CCL28: variants seen among roughly 807,000 people sequenced by gnomAD.
The protein encoded by CCL28 is C-C motif chemokine ligand 28, also known as C-C motif chemokine 28.
Under a neutral mutation model 7.1 loss-of-function variants are expected in CCL28, and 4 were observed. The observed-to-expected ratio is 0.56, with a 90% CI of 0.28 to 1.29. The LOEUF is 1.29. Among genes scored for constraint, CCL28 ranks in the 50% most tolerant of loss-of-function variants. The probability of loss-of-function intolerance (pLI) is 0.11; values close to 1 mark genes in which losing one functional copy is unlikely to be tolerated. For synonymous variants in CCL28, 55 were observed against 57.8 expected (o/e 0.95, Z 0.22); for missense variants, 151 against 163.4 (o/e 0.92, Z 0.41).
At chr5:43,387,065 A>C (rs1340060001) in intron 2 of CCL28, among the ~76,000 whole-genome samples, 1 of 152,236 alleles carries the variant, frequency 6.6e-6, no homozygotes, top group Non-Finnish European at 1.5e-5. Flanking sequence ...AGCCCAAAGA[A>C]AGGAGCACCA....
chr5:43,358,387 A>G, the CCL28 span, among the ~76,000 whole-genome samples: 1 of 152,358 alleles, frequency 6.6e-6, no homozygotes, highest in Non-Finnish European at 1.5e-5. Flanking sequence ...TGGTCATTTC[A>G]AAATTGCTTT....
chr5:43,360,746 C>T, the CCL28 span, among the ~76,000 whole-genome samples: 1 of 152,120 alleles, frequency 6.6e-6, no homozygotes, highest in Admixed American at 6.5e-5. Flanking sequence ...AGTGTCTGTT[C>T]ACATCCTTTG....
At chr5:43,360,924 A>G in the CCL28 span, among the ~76,000 whole-genome samples, 1 of 152,104 alleles carries the variant, frequency 6.6e-6, no homozygotes, top group African/African-American at 2.4e-5. Flanking sequence ...AGATCATCCC[A>G]TCACCTAGGT....
the CCL28 span, among the ~76,000 whole-genome samples, chr5:43,358,866 G>A: frequency 6.6e-6 from 1 of 152,192 alleles, no homozygotes; most frequent in Non-Finnish European, 1.5e-5. Flanking sequence ...CAGCAAGAGA[G>A]GTCTAGCATG....
rs1032588181 is a variant in CCL28 at position 43,384,694 on chromosome 5, G to T, written c.192-2642C>A. ...GATAGCTGGAGATAGTCTGATGGAC[G>T]TAAAGGGGTGGCCCTGCCATAGAGA... On this transcript the variant is annotated intron_variant, in intron 2 of 2. Coordinates refer to ENST00000361115, the MANE Select transcript of CCL28 (RefSeq NM_148672.3). Among the ~76,000 whole-genome samples the T allele has an allele frequency of 1.3e-5, 2 of 151,726 alleles. 1 individual carries two copies.
rs150136154 is a variant in CCL28 at position 43,382,146 on chromosome 5, G to A, written c.192-94C>T. Reference sequence around the variant, plus strand: ...CATGCAGCTCCCACTTTGGGACACTGTATTCCTAGAGACTAAATTCAGACT... The same window carrying A: ...CATGCAGCTCCCACTTTGGGACACTATATTCCTAGAGACTAAATTCAGACT... On this transcript the variant is annotated intron_variant, in intron 2 of 2. Coordinates refer to ENST00000361115, the MANE Select transcript of CCL28 (RefSeq NM_148672.3). 6 of 1,090,636 alleles carry A rather than the reference G, an allele frequency of 5.5e-6. No individual in the cohort carries two copies. The African/African-American group carries it at 7.9e-5, about 14-fold the overall frequency. The allele number at this position is 1,090,636 out of a possible 1,614,324, so 67.6% of individuals were successfully genotyped here.
At chr5:43,403,052 C>T (rs1052378646) in intron 1 of CCL28, among the ~76,000 whole-genome samples, 2 of 152,218 alleles carry the variant, frequency 1.3e-5, no homozygotes, top group African/African-American at 2.4e-5. Context: ...CTCAAGGAGG[C>T]CTGCCTGCCT....
downstream of CCL28, among the ~76,000 whole-genome samples, chr5:43,375,500 A>C (rs565430507): frequency 1.4e-5 from 2 of 138,670 alleles, no homozygotes; most frequent in Non-Finnish European, 3.1e-5. Flanking sequence ...TTGCCAACTG[A>C]TAGAAAAGTC....
intron 2 of CCL28, among the ~76,000 whole-genome samples, chr5:43,383,302 T>C (rs1318092912): frequency 6.6e-6 from 1 of 152,154 alleles, no homozygotes; most frequent in Non-Finnish European, 1.5e-5. Flanking sequence ...TATATAGTAT[T>C]TCCGTATCCA....
intron 1 of CCL28, among the ~76,000 whole-genome samples, chr5:43,394,512 C>G (rs1038876004): frequency 6.6e-6 from 1 of 152,048 alleles, no homozygotes; most frequent in Non-Finnish European, 1.5e-5. Context: ...AAGATAATGT[C>G]GTATATCTTA....
the CCL28 span, among the ~76,000 whole-genome samples, chr5:43,367,408 G>A: frequency 1.3e-5 from 2 of 152,196 alleles, no homozygotes; most frequent in African/African-American, 4.8e-5. Flanking sequence ...TGAAGACTGT[G>A]GGAAAAGCGT....
chr5:43,377,677 G>T (rs1226116334), downstream of CCL28, among the ~76,000 whole-genome samples: 2 of 114,986 alleles, frequency 1.7e-5, no homozygotes, highest in African/African-American at 6.9e-5. Flanking sequence ...TACTTTAAGC[G>T]TTTCATTTGA....
chr5:43,360,034 C>A, the CCL28 span, among the ~76,000 whole-genome samples: 4 of 152,128 alleles, frequency 2.6e-5, no homozygotes, highest in Admixed American at 6.6e-5. Context: ...TAATAATGAA[C>A]TCCTGTCCTC....
chr5:43,402,967 G>A (rs1172999231), intron 1 of CCL28, among the ~76,000 whole-genome samples: 1 of 152,260 alleles, frequency 6.6e-6, no homozygotes, highest in Non-Finnish European at 1.5e-5. Context: ...TGGGGGAAGG[G>A]CGTCTGCCAT....
the CCL28 span, among the ~76,000 whole-genome samples, chr5:43,365,564 C>A: frequency 1.3e-5 from 2 of 152,020 alleles, no homozygotes; most frequent in African/African-American, 4.8e-5. Flanking sequence ...GCAAGGCAGG[C>A]TTGGTGGTGA....
At chr5:43,401,526 A>T (rs1166315930) in intron 1 of CCL28, among the ~76,000 whole-genome samples, 2 of 152,188 alleles carry the variant, frequency 1.3e-5, no homozygotes, top group Non-Finnish European at 1.5e-5. Flanking sequence ...ACCTTGGGTG[A>T]GTTAACTCTC....
At chr5:43,377,716 A>AATTT (rs1561151287), downstream of CCL28, among the ~76,000 whole-genome samples, 1 of 45,658 alleles carries the variant, frequency 2.2e-5, no homozygotes, top group Non-Finnish European at 4.3e-5. Context: ...TAGAACTTAA[A>AATTT]CTTTTTTTTT....
chr5:43,365,738 T>C, the CCL28 span, among the ~76,000 whole-genome samples: 1 of 152,236 alleles, frequency 6.6e-6, no homozygotes, highest in African/African-American at 2.4e-5. Flanking sequence ...TCCTGGATAA[T>C]ATCCTGAAGA....
downstream of CCL28, among the ~76,000 whole-genome samples, chr5:43,371,926 G>T (rs11956635): frequency 0.49 from 75,126 of 152,038 alleles, 19,165 homozygotes; most frequent in Middle Eastern, 0.62. Context: ...AGCATCTGCT[G>T]CTTTTGAGGA....
Sources: allele counts gnomAD v4.1 joint callset (sites outside exome capture counted in the v4.1 genomes callset), GRCh38; gene constraint gnomAD v4.1.1; transcripts MANE v1.5; gene names NCBI Gene and HGNC (gene_info 2026-07-23, HGNC 2026-07-21).